Variants in MCF2L observed in about 807,000 individuals in gnomAD.
MCF2L encodes guanine nucleotide exchange factor DBS.
In MCF2L, 97 loss-of-function variants were observed where a neutral mutation model predicts 153.4. The ratio of observed to expected loss-of-function variants is 0.63; its 90% CI spans 0.54 to 0.75. The LOEUF (loss-of-function observed/expected upper bound fraction) is 0.75. MCF2L is among the 30% of genes least tolerant of loss of function. The pLI, the probability that MCF2L is intolerant of heterozygous loss-of-function variation, is 0.00. For missense variants in MCF2L, 1,347 were observed against 1,495.2 expected, an observed-to-expected ratio of 0.90 and a Z score of 1.64; for synonymous variants, 659 against 632.2, an observed-to-expected ratio of 1.04 and a Z score of -0.64.
chr13:113,062,224 A>T (rs1226607418), intron 5 of MCF2L, among the ~76,000 whole-genome samples: 2 of 152,040 alleles, frequency 1.3e-5, no homozygotes, highest in Non-Finnish European at 2.9e-5. Context: ...GGGCAGTGGG[A>T]GGCTCATGTC....
chr13:113,085,688 C>A (rs565785), intron 20 of MCF2L, among the ~76,000 whole-genome samples: 3 of 104,064 alleles, frequency 2.9e-5, no homozygotes, highest in South Asian at 3.5e-4. Context: ...GGAGCAGGTG[C>A]GAGGGGTTTG....
Position 113,019,553 on chromosome 13 carries a change from C to T in MCF2L, c.163+4707C>T, listed in dbSNP as rs141800938. Among the ~76,000 whole-genome samples, 433 of 152,324 alleles carry T rather than the reference C, an allele frequency of 2.8e-3. 3 individuals are homozygous for T. Among genetic ancestry groups the T allele is most frequent in the African/African-American group, 9.8e-3 (408 of 41,566 alleles). ...TCTGCGGAGAATCAAAGTCATGAGA[C>T]GGAGACAGGAATCCCGTTAGGTTTG... On this transcript the variant is annotated intron_variant, in intron 2 of 29. Coordinates refer to ENST00000535094, the MANE Select transcript of MCF2L (RefSeq NM_001112732.3).
At chr13:112,947,423 G>A (rs1458278850) in intron 2 of MCF2L, among the ~76,000 whole-genome samples, 1 of 152,184 alleles carries the variant, frequency 6.6e-6, no homozygotes, top group African/African-American at 2.4e-5. Flanking sequence ...TGAGACTCAA[G>A]GAACGATTCA....
At chr13:112,912,829 CTGTG>C (rs1400068497) in intron 2 of MCF2L, among the ~76,000 whole-genome samples, 5 of 148,876 alleles carry the variant, frequency 3.4e-5, no homozygotes, top group Non-Finnish European at 7.4e-5. Context: ...TGGGGTGTGC[CTGTG>C]TGTGTGTCTG....
Position 113,074,643 on chromosome 13 carries a change from G to A in MCF2L, c.1116+80G>A. 1 of 1,578,108 alleles carries A rather than the reference G, an allele frequency of 6.3e-7. No individual in the cohort carries two copies. Among genetic ancestry groups the A allele is most frequent in the South Asian group, 1.1e-5 (1 of 89,016 alleles). ...GCTGCTCAGGAAGGCGCAGGAATGG[G>A]CCTCCCGCCTACGGAGAACGGACCC... On this transcript the variant is annotated intron_variant, in intron 10 of 29. Coordinates refer to ENST00000535094, the MANE Select transcript of MCF2L (RefSeq NM_001112732.3). This position sits in a 1 kb window ranked among gnomAD's most constrained non-coding sequence, Gnocchi z 4.2.
chr13:112,968,683 C>T (rs1166452875), upstream of MCF2L: 4 of 1,476,486 alleles, frequency 2.7e-6, no homozygotes, highest in Non-Finnish European at 3.6e-6. Context: ...GCGGCCTCTG[C>T]AGCTTCTACA....
intron 2 of MCF2L, among the ~76,000 whole-genome samples, chr13:112,931,065 C>T (rs2081457969): frequency 6.6e-6 from 1 of 152,226 alleles, no homozygotes; most frequent in African/African-American, 2.4e-5. Context: ...CTCACCTGAG[C>T]GGTTCAGCGT....
At chr13:112,911,924 G>A (rs1010662016) in intron 2 of MCF2L, among the ~76,000 whole-genome samples, 1 of 152,196 alleles carries the variant, frequency 6.6e-6, no homozygotes, top group Non-Finnish European at 1.5e-5. Flanking sequence ...AAGGCTACAC[G>A]CAGGCTAGGT....
Position 113,002,036 on chromosome 13 carries a change from C to T in MCF2L, c.80-12727C>T. 2.7e-6 allele frequency: 4 copies of T among 1,490,622 alleles called. No individual in the cohort carries two copies. The South Asian group carries it at 5.3e-5, about 20-fold the overall frequency. The allele number at this position is 1,490,622 out of a possible 1,614,324, so 92.3% of individuals were successfully genotyped here. ...CTCCCCGGAAGGTGTTGTGGGGCGA[C>T]AGTGCGGGGACGCCGGGCGGGGGTG... On this transcript the variant is annotated intron_variant, in intron 1 of 29. Transcript: ENST00000535094.
intron 27 of MCF2L, chr13:113,095,766 C>T (rs895734536): frequency 2.0e-6 from 2 of 998,858 alleles, no homozygotes; most frequent in African/African-American, 1.7e-5. Context: ...CTGTGAATCT[C>T]CCCACTCTGT....
chr13:112,940,495 C>A (rs1265034295), intron 2 of MCF2L, among the ~76,000 whole-genome samples: 1 of 152,248 alleles, frequency 6.6e-6, no homozygotes, highest in Non-Finnish European at 1.5e-5. Flanking sequence ...CGGCTGTGTA[C>A]CGCCTGGCCC....
In MCF2L at chr13:113,054,627, T is replaced by C. The variant is rs1275920157; in HGVS notation, c.370-5966T>C. On this transcript the variant is annotated intron_variant, in intron 4 of 29. Transcript: ENST00000535094. This position sits in a 1 kb window ranked among gnomAD's most constrained non-coding sequence, Gnocchi z 5.2. ...GTTTCAGTTGCTCTGAAATTAAATA[T>C]ATAATGTCAAGCTGGATAGGTGTGG... is the stretch of plus-strand genomic sequence containing the variant. 2.0e-5 allele frequency: 3 copies of C among 152,248 alleles called. No homozygotes were observed. The highest frequency in any genetic ancestry group is 2.9e-5 in the Non-Finnish European group (2 of 68,040). The allele number at this position is 152,248 out of a possible 1,614,324, so 9.4% of individuals were successfully genotyped here. A position where few individuals can be genotyped will look rare whatever the true frequency, so the allele number is the denominator to read the frequency against.
Position 113,096,861 on chromosome 13 carries a change from GC to G in MCF2L, c.*3del. 7.0e-7 allele frequency: 1 copy of G among 1,427,096 alleles called. No homozygotes were observed. Among genetic ancestry groups the G allele is most frequent in the Non-Finnish European group, 9.1e-7 (1 of 1,098,378 alleles). 88.4% of individuals were successfully genotyped at this position (1,427,096 alleles called of 1,614,324 possible). A position where few individuals can be genotyped will look rare whatever the true frequency, so the allele number is the denominator to read the frequency against. ...CCCTTCTCCGACCTGCAGGGGTAGC[GC>G]GGCCTCGGCGCCGGAGACCCGCGCG... On this transcript the variant is annotated 3_prime_UTR_variant, in exon 30 of 30. Transcript: ENST00000535094.
At chr13:112,920,912 A>G (rs1014436258) in intron 2 of MCF2L, among the ~76,000 whole-genome samples, 6 of 152,114 alleles carry the variant, frequency 3.9e-5, no homozygotes, top group Non-Finnish European at 8.8e-5. Flanking sequence ...TCAAGCCTAT[A>G]GTCCCAGCAC....
chr13:113,077,826 C>T (rs897833239), intron 13 of MCF2L, among the ~76,000 whole-genome samples: 1 of 152,248 alleles, frequency 6.6e-6, no homozygotes, highest in Non-Finnish European at 1.5e-5. Flanking sequence ...CACACGAACC[C>T]ACCAGGCGAG....
In MCF2L at chr13:113,074,527, G is replaced by A. The variant is rs138274623; in HGVS notation, c.1080G>A (p.Leu360=). The A allele has an allele frequency of 5.0e-6, 8 of 1,614,072 alleles. No homozygotes were observed. Among genetic ancestry groups the A allele is most frequent in the Non-Finnish European group, 6.8e-6 (8 of 1,180,018 alleles). Residue 360 remains leucine (L), a synonymous_variant, in exon 10 of 30, where the codon CTG becomes CTA. Transcript: ENST00000535094. The surrounding 1 kb of genome is among the most constrained non-coding windows in gnomAD (Gnocchi z 4.2). ...IGNSLAHVEH[L]LRDLASFEEK... ...ACAGCCTGGCGCATGTGGAGCACCT[G>A]CTGAGGGACCTGGCCAGCTTCGAGG...
intron 3 of MCF2L, among the ~76,000 whole-genome samples, chr13:113,029,095 G>A (rs987716335): frequency 2.0e-5 from 3 of 152,128 alleles, no homozygotes; most frequent in Non-Finnish European, 2.9e-5. Context: ...CTTTCTATCT[G>A]GAAATAAAAC....
Position 113,069,986 on chromosome 13 carries a change from G to A in MCF2L, c.882-73G>A. On this transcript the variant is annotated intron_variant, in intron 8 of 29. Coordinates refer to ENST00000535094, the MANE Select transcript of MCF2L (RefSeq NM_001112732.3). ...GTGGAGATGAGCCTTGGGGTCGCTT[G>A]AACACCCACCGCGCTCCACGTTGCA... is the stretch of plus-strand genomic sequence containing the variant. The A allele has an allele frequency of 1.2e-5, 12 of 1,025,536 alleles. No homozygotes were observed. The South Asian group carries it at 1.7e-4, about 14-fold the overall frequency. The allele number at this position is 1,025,536 out of a possible 1,614,324, so 63.5% of individuals were successfully genotyped here.
intron 13 of MCF2L, 39 bp downstream of exon 13, chr13:113,077,250 C>A: frequency 6.8e-7 from 1 of 1,480,702 alleles, no homozygotes; most frequent in Non-Finnish European, 9.0e-7. Context: ...GCTGTGGGAC[C>A]CTCGGGGGAG....
Sources: gnomAD v4.1 joint callset for allele counts (sites outside exome capture counted in the v4.1 genomes callset) on GRCh38, gnomAD v4.1.1 for gene constraint, Gnocchi (gnomAD v3.1) non-coding constraint, MANE v1.5 for transcripts, NCBI Gene and HGNC (gene_info 2026-07-23, HGNC 2026-07-21) for gene names.